The following KIAA1328 variants were observed in gnomAD, a reference collection of about 807,000 sequenced individuals.
The protein encoded by KIAA1328 is protein hinderin.
Under a neutral mutation model 68.1 loss-of-function variants are expected in KIAA1328, and 52 were observed. The ratio of observed to expected loss-of-function variants is 0.76; its 90% CI spans 0.61 to 0.96. The LOEUF (loss-of-function observed/expected upper bound fraction) is 0.96. Ranked by LOEUF, KIAA1328 falls within the 40% of genes least tolerant of loss-of-function variation. The pLI is 0.00. For synonymous variants in KIAA1328, 232 were observed against 239.4 expected (o/e 0.97, Z 0.28); for missense variants, 641 against 677.6 (o/e 0.95, Z 0.60).
chr18:37,005,432 TA>T (rs58940026), intron 6 of KIAA1328, among the ~76,000 whole-genome samples: 110,691 of 148,396 alleles, frequency 0.75, 43,519 homozygotes, highest in South Asian at 0.89. Context: ...AGCTATTATT[TA>T]AAAAAAAAAA....
intron 4 of KIAA1328, among the ~76,000 whole-genome samples, chr18:36,881,136 GTT>G (rs765071340): frequency 2.3e-5 from 3 of 131,588 alleles, no homozygotes; most frequent in African/African-American, 2.6e-5. Flanking sequence ...AAGTTAACTT[GTT>G]TTTTTTTTTT....
intron 4 of KIAA1328, among the ~76,000 whole-genome samples, chr18:36,870,360 C>T (rs777226338): frequency 1.6e-4 from 25 of 152,070 alleles, no homozygotes; most frequent in African/African-American, 5.8e-4. Context: ...TGATATTTTA[C>T]GTTAGCTCTT....
rs117260021 is a variant in KIAA1328 at position 36,829,718 on chromosome 18, G to A, written c.58+522G>A. ...TTTTAATACTGGGGTTTTAGGAGAG[G>A]TGTGGAGCTTGGTTACTGGGATGTG... On this transcript the variant is annotated intron_variant, in intron 1 of 9. Transcript: ENST00000280020. Among the ~76,000 whole-genome samples the A allele has an allele frequency of 1.1e-4, 16 of 152,336 alleles. No homozygotes were observed. The East Asian group carries it at 2.5e-3, about 24-fold the overall frequency.
chr18:37,219,688 G>A (rs978747379), intron 9 of KIAA1328, among the ~76,000 whole-genome samples: 4 of 152,190 alleles, frequency 2.6e-5, no homozygotes, highest in African/African-American at 4.8e-5. Flanking sequence ...TTGGAAAAGC[G>A]CAGTGTTTGG....
At chr18:37,062,464 T>C (rs932703010) in intron 6 of KIAA1328, among the ~76,000 whole-genome samples, 4 of 151,828 alleles carry the variant, frequency 2.6e-5, no homozygotes, top group African/African-American at 9.7e-5. Flanking sequence ...TTTTGTTTTT[T>C]TTTTTTGAGA....
At chr18:37,151,512 A>G (rs1272423588) in intron 7 of KIAA1328, among the ~76,000 whole-genome samples, 1 of 152,162 alleles carries the variant, frequency 6.6e-6, no homozygotes, top group East Asian at 1.9e-4. Flanking sequence ...GACTTATGCT[A>G]CCTAATTTTA....
intron 5 of KIAA1328, among the ~76,000 whole-genome samples, chr18:36,938,187 A>T (rs529447099): frequency 6.6e-6 from 1 of 152,202 alleles, no homozygotes; most frequent in Non-Finnish European, 1.5e-5. Context: ...ACTGCTTTCC[A>T]TAATGGCTCT....
chr18:36,960,899 T>C (rs892903242), intron 6 of KIAA1328, among the ~76,000 whole-genome samples: 2 of 152,004 alleles, frequency 1.3e-5, no homozygotes, highest in African/African-American at 4.8e-5. Context: ...AAACCAGAGC[T>C]CCTCTTCTCC....
chr18:36,848,703 T>A (rs2047116094), intron 4 of KIAA1328, among the ~76,000 whole-genome samples: 1 of 151,416 alleles, frequency 6.6e-6, no homozygotes, highest in African/African-American at 2.4e-5. Flanking sequence ...TAATAGATGT[T>A]CTTTATCAAA....
chr18:37,034,177 T>G (rs2054939665), intron 6 of KIAA1328, among the ~76,000 whole-genome samples: 1 of 152,148 alleles, frequency 6.6e-6, no homozygotes, highest in Admixed American at 6.5e-5. Flanking sequence ...ATGGGCATAA[T>G]AAGTGCATAG....
chr18:37,045,277 G>A (rs2055421419), intron 6 of KIAA1328, among the ~76,000 whole-genome samples: 1 of 152,156 alleles, frequency 6.6e-6, no homozygotes, highest in East Asian at 1.9e-4. Flanking sequence ...AGCTACACTT[G>A]TAGCCTTACC....
intron 5 of KIAA1328, among the ~76,000 whole-genome samples, chr18:36,935,080 G>A (rs531555929): frequency 6.6e-6 from 1 of 152,220 alleles, no homozygotes; most frequent in East Asian, 1.9e-4. Flanking sequence ...TTAGTTCTCA[G>A]TTAGGCTAGA....
intron 7 of KIAA1328, among the ~76,000 whole-genome samples, chr18:37,077,676 T>G (rs1383182478): frequency 3.8e-5 from 5 of 131,738 alleles, no homozygotes; most frequent in Non-Finnish European, 7.9e-5. Context: ...CAAGCATTCT[T>G]ATACACCAGT....
chr18:36,957,887 C>T (rs1020314703), intron 5 of KIAA1328, among the ~76,000 whole-genome samples: 4 of 152,062 alleles, frequency 2.6e-5, no homozygotes, highest in Non-Finnish European at 5.9e-5. Flanking sequence ...AATGTGCAAA[C>T]ACCACTACTT....
At chr18:36,982,632 G>A (rs2052740819) in intron 6 of KIAA1328, among the ~76,000 whole-genome samples, 1 of 151,922 alleles carries the variant, frequency 6.6e-6, no homozygotes, top group South Asian at 2.1e-4. Flanking sequence ...TAGTAGAAAT[G>A]TTAAAGGAAG....
At chr18:36,850,828 C>A (rs1189853694) in intron 4 of KIAA1328, among the ~76,000 whole-genome samples, 1 of 152,150 alleles carries the variant, frequency 6.6e-6, no homozygotes. Context: ...TGCCTTAGTG[C>A]TCTGCCTAGA....
intron 5 of KIAA1328, among the ~76,000 whole-genome samples, chr18:36,926,354 T>C (rs140725005): frequency 8.3e-4 from 125 of 151,212 alleles, no homozygotes; most frequent in African/African-American, 2.8e-3. Context: ...ACTCACTTTC[T>C]TCCTTTTTCT....
intron 5 of KIAA1328, among the ~76,000 whole-genome samples, chr18:36,953,893 G>A (rs915264966): frequency 4.6e-5 from 7 of 151,878 alleles, no homozygotes; most frequent in African/African-American, 1.7e-4. Flanking sequence ...TCTAAAATAG[G>A]CCTCCTACCC....
In KIAA1328 at chr18:37,224,986, G is replaced by C; in HGVS notation, c.*2759G>C. ...TTGCTAACAGTCCGCTTTCCAGGAG[G>C]CAAACTTGTGTTTATCCAAACCTGA... On this transcript the variant is annotated 3_prime_UTR_variant, in exon 10 of 10. Transcript: ENST00000280020. 1.0e-6 allele frequency: 1 copy of C among 985,462 alleles called. No homozygotes were observed. The highest frequency in any genetic ancestry group is 1.2e-6 in the Non-Finnish European group (1 of 829,952). The allele number at this position is 985,462 out of a possible 1,614,324, so 61.0% of individuals were successfully genotyped here. A position where few individuals can be genotyped will look rare whatever the true frequency, so the allele number is the denominator to read the frequency against.
Sources: gnomAD v4.1 joint callset for allele counts (sites outside exome capture counted in the v4.1 genomes callset) on GRCh38, gnomAD v4.1.1 for gene constraint, MANE v1.5 for transcripts, NCBI Gene and HGNC (gene_info 2026-07-23, HGNC 2026-07-21) for gene names.